The following XYLT1 variants were observed in gnomAD, a reference collection of about 807,000 sequenced individuals.
The protein encoded by XYLT1 is beta-D-xylosyltransferase 1.
A neutral mutation model predicts 91.3 loss-of-function variants in XYLT1; 36 were observed. The observed-to-expected ratio is 0.39, with a 90% CI of 0.30 to 0.52. The LOEUF is 0.52. Ranked by LOEUF, XYLT1 falls within the 20% of genes least tolerant of loss-of-function variation. The probability of loss-of-function intolerance (pLI) is 0.68; values close to 1 mark genes in which losing one functional copy is unlikely to be tolerated. For missense variants in XYLT1, 1,242 were observed against 1,284.5 expected, an observed-to-expected ratio of 0.97 and a Z score of 0.51; for synonymous variants, 588 against 532.0, an observed-to-expected ratio of 1.11 and a Z score of -1.45.
At chr16:17,342,845 G>A (rs2035083195) in intron 2 of XYLT1, among the ~76,000 whole-genome samples, 1 of 152,072 alleles carries the variant, frequency 6.6e-6, no homozygotes, top group South Asian at 2.1e-4. Flanking sequence ...AACGTAGTAG[G>A]CACTCAACAC....
At position 17,274,827 on chromosome 16, in the gene XYLT1, A is replaced by G. The variant is rs567194538; in HGVS notation, c.403-15329T>C. 2.6e-5 allele frequency among the ~76,000 whole-genome samples: 4 copies of G among 152,334 alleles called. No individual in the cohort carries two copies. The East Asian group carries it at 5.8e-4, about 22-fold the overall frequency. On this transcript the variant is annotated intron_variant, in intron 2 of 11. Transcript: ENST00000261381. ...ATAACAACGATCCCAGCTAACACTT[A>G]GTGAACATTTACTCTAATGACTGAG...
At chr16:17,109,830 T>A (rs370546756) in intron 11 of XYLT1, among the ~76,000 whole-genome samples, 23 of 152,168 alleles carry the variant, frequency 1.5e-4, no homozygotes, top group African/African-American at 5.3e-4. Context: ...GAAGTCCAGA[T>A]CTCAGCTGCC....
At chr16:17,153,534 CCTCCCAGGATG>C (rs1158865768) in intron 6 of XYLT1, among the ~76,000 whole-genome samples, 1 of 152,232 alleles carries the variant, frequency 6.6e-6, no homozygotes, top group Non-Finnish European at 1.5e-5. Flanking sequence ...CCTACATCAG[CCTCCCAGGATG>C]CTGGGATTAC....
At chr16:17,228,032 C>T (rs2033097006) in intron 3 of XYLT1, 1 of 152,202 alleles carries the variant, frequency 6.6e-6, no homozygotes, top group South Asian at 2.1e-4. Flanking sequence ...GCTCGTGGAA[C>T]CCCAAGGTAG....
chr16:17,299,924 C>T (rs1351024152), intron 2 of XYLT1, among the ~76,000 whole-genome samples: 3 of 152,142 alleles, frequency 2.0e-5, no homozygotes, highest in Non-Finnish European at 2.9e-5. Flanking sequence ...GCACTGACCC[C>T]GGCAGCAGGA....
chr16:17,116,248 G>T (rs992692198), intron 11 of XYLT1, among the ~76,000 whole-genome samples: 1 of 152,092 alleles, frequency 6.6e-6, no homozygotes, highest in Non-Finnish European at 1.5e-5. Context: ...AATGGACAAA[G>T]AAAAAAGTCA....
chr16:17,204,162 C>T (rs1462144523), intron 3 of XYLT1, among the ~76,000 whole-genome samples: 3 of 152,016 alleles, frequency 2.0e-5, no homozygotes, highest in South Asian at 2.1e-4. Flanking sequence ...TGGAGATTTG[C>T]GATATAGAGG....
At chr16:17,401,946 G>A (rs1327383417) in intron 1 of XYLT1, among the ~76,000 whole-genome samples, 5 of 152,056 alleles carry the variant, frequency 3.3e-5, no homozygotes, top group Non-Finnish European at 5.9e-5. Context: ...GTGCATCAAC[G>A]CAGTGGTGAA....
intron 1 of XYLT1, among the ~76,000 whole-genome samples, chr16:17,440,586 G>C (rs2036521128): frequency 6.6e-6 from 1 of 152,186 alleles, no homozygotes; most frequent in African/African-American, 2.4e-5. Flanking sequence ...CTAATGAACT[G>C]TGTGGCCTTG....
At chr16:17,369,130 C>CTT (rs36042244) in intron 1 of XYLT1, among the ~76,000 whole-genome samples, 1,504 of 124,844 alleles carry the variant, frequency 0.012, 33 homozygotes, top group African/African-American at 0.04. Context: ...AAAAATACTT[C>CTT]TTTTTTTTTT....
intron 1 of XYLT1, among the ~76,000 whole-genome samples, chr16:17,378,409 G>A (rs1439290256): frequency 6.6e-6 from 1 of 152,124 alleles, no homozygotes; most frequent in South Asian, 2.1e-4. Context: ...GGACCTTGCA[G>A]AGAAATGAGC....
chr16:17,453,672 C>A, intron 1 of XYLT1, among the ~76,000 whole-genome samples: 1 of 152,210 alleles, frequency 6.6e-6, no homozygotes, highest in East Asian at 1.9e-4. Context: ...TAAAATGACA[C>A]ACGCTACTGC....
intron 9 of XYLT1, among the ~76,000 whole-genome samples, 163 bp downstream of exon 9, chr16:17,134,310 G>T (rs140066718): frequency 6.6e-6 from 1 of 152,106 alleles, no homozygotes; most frequent in South Asian, 2.1e-4. Context: ...TGCCACGCAC[G>T]CTAGGAGGGT....
chr16:17,101,788 A>C lies in XYLT1; in HGVS notation c.*6907T>G, dbSNP rs1234279512. The C allele has an allele frequency of 6.6e-6, 1 of 152,248 alleles. No homozygotes were observed. Among genetic ancestry groups the C allele is most frequent in the African/African-American group, 2.4e-5 (1 of 41,448 alleles). The allele number at this position is 152,248 out of a possible 1,614,324, so 9.4% of individuals were successfully genotyped here. A position where few individuals can be genotyped will look rare whatever the true frequency, so the allele number is the denominator to read the frequency against. ...TACCTACATTCCATTGGCCTGAGTC[A>C]GTCACATGGCCATGGCTAAGAGCAA... On this transcript the variant is annotated 3_prime_UTR_variant, in exon 12 of 12. Coordinates refer to ENST00000261381, the MANE Select transcript of XYLT1 (RefSeq NM_022166.4).
At chr16:17,454,015 A>G (rs114137088) in intron 1 of XYLT1, among the ~76,000 whole-genome samples, 79 of 152,352 alleles carry the variant, frequency 5.2e-4, no homozygotes, top group African/African-American at 1.6e-3. Flanking sequence ...TTGCAAGACT[A>G]ATTATGAAAA....
intron 1 of XYLT1, among the ~76,000 whole-genome samples, chr16:17,430,121 G>A (rs140789372): frequency 0.012 from 1,832 of 151,880 alleles, 12 homozygotes; most frequent in Non-Finnish European, 0.019. Flanking sequence ...ATTTTTAGTA[G>A]AGACTGGGTT....
chr16:17,231,515 T>C (rs2033156092), intron 3 of XYLT1, among the ~76,000 whole-genome samples: 1 of 152,152 alleles, frequency 6.6e-6, no homozygotes, highest in Non-Finnish European at 1.5e-5. Context: ...TAAGTGAGGG[T>C]ACAGCCATGC....
At chr16:17,433,852 T>C (rs2036420281) in intron 1 of XYLT1, among the ~76,000 whole-genome samples, 1 of 152,186 alleles carries the variant, frequency 6.6e-6, no homozygotes, top group Admixed American at 6.5e-5. Context: ...TACTGGAGAA[T>C]ACAGTAAAAT....
intron 1 of XYLT1, among the ~76,000 whole-genome samples, chr16:17,378,226 A>G (rs558293535): frequency 2.0e-5 from 3 of 152,278 alleles, no homozygotes; most frequent in South Asian, 4.1e-4. Context: ...TGAAGGGACA[A>G]TATGCATGGG....
Sources: gnomAD v4.1 joint callset for allele counts (sites outside exome capture counted in the v4.1 genomes callset) on GRCh38, gnomAD v4.1.1 for gene constraint, MANE v1.5 for transcripts, NCBI Gene and HGNC (gene_info 2026-07-23, HGNC 2026-07-21) for gene names.